The following KPNA3 variants were observed in gnomAD, a reference collection of about 807,000 sequenced individuals.
The protein encoded by KPNA3 is importin subunit alpha-4.
A neutral mutation model predicts 73.8 loss-of-function variants in KPNA3; 13 were observed. The ratio of observed to expected loss-of-function variants is 0.18; its 90% confidence interval spans 0.11 to 0.28. The LOEUF is 0.28. Among genes scored for constraint, KPNA3 ranks in the 10% least tolerant of loss-of-function variants. The pLI is 1.00. For missense variants in KPNA3, 360 were observed against 618.1 expected, an observed-to-expected ratio of 0.58 and a Z score of 4.43; for synonymous variants, 186 against 206.9, an observed-to-expected ratio of 0.90 and a Z score of 0.87.
rs1954144664 is a variant in KPNA3, at chr13:49,701,253, T to C, written c.*547A>G. 1 of 168,248 alleles carries C rather than the reference T, an allele frequency of 5.9e-6. No homozygotes were observed. The highest frequency in any genetic ancestry group is 1.3e-4 in the South Asian group (1 of 7,504). 10.4% of individuals were successfully genotyped at this position (168,248 alleles called of 1,614,324 possible). A position where few individuals can be genotyped will look rare whatever the true frequency, so the allele number is the denominator to read the frequency against. Reference sequence around the variant, plus strand: ...ATTCAATAACCAAGTTTCTTGTTTTTAAGTTACTTTTTTTGTGTCAGTTCC... The same window carrying C: ...ATTCAATAACCAAGTTTCTTGTTTTCAAGTTACTTTTTTTGTGTCAGTTCC... On this transcript the variant is annotated 3_prime_UTR_variant, in exon 17 of 17. Transcript: ENST00000261667.
chr13:49,763,560 GA>G (rs1481140290), intron 1 of KPNA3, among the ~76,000 whole-genome samples: 1 of 152,168 alleles, frequency 6.6e-6, no homozygotes, highest in African/African-American at 2.4e-5. Context: ...CTCCAAGTGG[GA>G]AAATAAAAAG....
intron 1 of KPNA3, among the ~76,000 whole-genome samples, chr13:49,772,596 A>T (rs969804838): frequency 7.9e-5 from 12 of 152,180 alleles, no homozygotes; most frequent in Non-Finnish European, 1.2e-4. Context: ...TGAGGTCAGG[A>T]GTTCCAGACC....
intron 12 of KPNA3, among the ~76,000 whole-genome samples, chr13:49,707,024 C>T (rs1294253112): frequency 1.3e-5 from 2 of 152,190 alleles, no homozygotes; most frequent in Admixed American, 1.3e-4. Flanking sequence ...GCTGAGATTA[C>T]AGGCATGAGC....
At chr13:49,749,095 A>G (rs184016210) in intron 1 of KPNA3, among the ~76,000 whole-genome samples, 1 of 152,364 alleles carries the variant, frequency 6.6e-6, no homozygotes, top group Non-Finnish European at 1.5e-5. Context: ...ATGATGCATA[A>G]CAAAAAGATC....
At chr13:49,710,432 TAG>T (rs1242904429) in intron 11 of KPNA3, among the ~76,000 whole-genome samples, 2 of 152,108 alleles carry the variant, frequency 1.3e-5, no homozygotes, top group African/African-American at 4.8e-5. Context: ...GGGGGAAAGA[TAG>T]AGTCTTGAAC....
At chr13:49,761,920 G>A (rs1450308034) in intron 1 of KPNA3, among the ~76,000 whole-genome samples, 1 of 150,494 alleles carries the variant, frequency 6.6e-6, no homozygotes, top group Non-Finnish European at 1.5e-5. Flanking sequence ...GAGCGTCTCT[G>A]CCCAGCCACC....
chr13:49,774,232 C>T (rs1429821016), intron 1 of KPNA3, among the ~76,000 whole-genome samples: 2 of 152,090 alleles, frequency 1.3e-5, no homozygotes, highest in Non-Finnish European at 2.9e-5. Context: ...TACAAGTCAG[C>T]AGAGACTCCA....
intron 1 of KPNA3, among the ~76,000 whole-genome samples, chr13:49,760,964 T>C (rs1178301609): frequency 6.6e-6 from 1 of 152,178 alleles, no homozygotes; most frequent in Non-Finnish European, 1.5e-5. Flanking sequence ...TTTCCCCCCA[T>C]GATCACGTTG....
chr13:49,781,200 C>T (rs889633181), intron 1 of KPNA3, among the ~76,000 whole-genome samples: 1 of 152,088 alleles, frequency 6.6e-6, no homozygotes, highest in South Asian at 2.1e-4. Flanking sequence ...CCCATGTGCC[C>T]GCTCCACTAG....
At chr13:49,708,936 G>T (rs1204014201) in intron 12 of KPNA3, among the ~76,000 whole-genome samples, 1 of 151,980 alleles carries the variant, frequency 6.6e-6, no homozygotes, top group Non-Finnish European at 1.5e-5. Flanking sequence ...TTTTATGATC[G>T]GTTTGTTTAA....
At chr13:49,735,520 A>T (rs1349508951) in intron 2 of KPNA3, among the ~76,000 whole-genome samples, 1 of 152,076 alleles carries the variant, frequency 6.6e-6, no homozygotes, top group Non-Finnish European at 1.5e-5. Context: ...AGTAACTTAA[A>T]CTGTCCCTTC....
intron 1 of KPNA3, among the ~76,000 whole-genome samples, chr13:49,767,792 T>G (rs1954821030): frequency 6.6e-6 from 1 of 152,182 alleles, no homozygotes; most frequent in Non-Finnish European, 1.5e-5. Flanking sequence ...ACAGTGAAAG[T>G]ACCTTCCATA....
chr13:49,702,434 T>C lies in KPNA3; in HGVS notation c.1419A>G (p.Ile473Met). The stretch of plus-strand genomic sequence containing the variant: ...CTATGATTTCAAATGCTAATTTATA[T>C]ATGTCTTCATTTTCATGTTGCTGTA... ...EVLQQHENED[I>M]YKLAFEIIDQ... The change falls in exon 16 of 17, where the codon ATA (isoleucine) becomes ATG (methionine). Residue 473 changes from isoleucine (I) to methionine (M), a missense_variant. This residue lies in a region of KPNA3 where 287 missense variants were observed against 549.1 expected (regional missense o/e 0.52). Coordinates refer to ENST00000261667, the MANE Select transcript of KPNA3 (RefSeq NM_002267.4). The C allele has an allele frequency of 6.4e-7, 1 of 1,557,056 alleles. No homozygotes were observed. Among genetic ancestry groups the C allele is most frequent in the Non-Finnish European group, 8.8e-7 (1 of 1,134,780 alleles).
intron 1 of KPNA3, among the ~76,000 whole-genome samples, chr13:49,775,180 A>AAAAAAAG (rs1401260439): frequency 9.4e-5 from 12 of 127,344 alleles, no homozygotes; most frequent in African/African-American, 2.3e-4. Flanking sequence ...AAAAAAAAAA[A>AAAAAAAG]AAAAAAGAAA....
At chr13:49,703,455 C>T (rs1362236155) in intron 15 of KPNA3, among the ~76,000 whole-genome samples, 1 of 152,170 alleles carries the variant, frequency 6.6e-6, no homozygotes, top group African/African-American at 2.4e-5. Flanking sequence ...GCTGGGATTA[C>T]AGGAGTGAGC....
At chr13:49,786,407 A>G (rs756484614) in intron 1 of KPNA3, among the ~76,000 whole-genome samples, 21 of 152,350 alleles carry the variant, frequency 1.4e-4, no homozygotes, top group Middle Eastern at 3.4e-3. Context: ...TTCACCTAGG[A>G]AAACACTAGA....
chr13:49,787,829 G>A lies in KPNA3; in HGVS notation c.69+4609C>T, dbSNP rs907959652. 4.9e-4 allele frequency among the ~76,000 whole-genome samples: 75 copies of A among 152,178 alleles called. 1 individual carries two copies. Among genetic ancestry groups the A allele is most frequent in the African/African-American group, 1.5e-3 (62 of 41,514 alleles). On this transcript the variant is annotated intron_variant, in intron 1 of 16. Coordinates refer to ENST00000261667, the MANE Select transcript of KPNA3 (RefSeq NM_002267.4). ...CGTGTAGCTGGGACTACAGGCACGCGCCACCATGCCCGGCTAATTTTTGTA... is the reference window on the plus strand; with the variant it reads ...CGTGTAGCTGGGACTACAGGCACGCACCACCATGCCCGGCTAATTTTTGTA...
intron 3 of KPNA3, 42 bp downstream of exon 3, chr13:49,732,915 T>TA: frequency 6.9e-7 from 1 of 1,441,414 alleles, no homozygotes; most frequent in Non-Finnish European, 9.6e-7. Context: ...ACAGTTACTA[T>TA]AAAAATTATT....
intron 2 of KPNA3, among the ~76,000 whole-genome samples, chr13:49,738,106 A>AT (rs1198832102): frequency 1.3e-5 from 2 of 152,094 alleles, no homozygotes; most frequent in African/African-American, 2.4e-5. Flanking sequence ...TAGGCTCATC[A>AT]TTTTTGAAAA....
Sources: gnomAD v4.1 joint callset for allele counts (sites outside exome capture counted in the v4.1 genomes callset) on GRCh38, gnomAD v4.1.1 for gene constraint, gnomAD v4.1.1 regional missense constraint, MANE v1.5 for transcripts, NCBI Gene and HGNC (gene_info 2026-07-23, HGNC 2026-07-21) for gene names.